Variants in NEDD9 observed in about 807,000 individuals in gnomAD.
The protein encoded by NEDD9 is neural precursor cell expressed, developmentally down-regulated 9.
A neutral mutation model predicts 76.6 loss-of-function variants in NEDD9; 26 were observed. That is an observed-to-expected ratio of 0.34 (90% CI 0.25 to 0.47). NEDD9 has a LOEUF of 0.47. Among genes scored for constraint, NEDD9 ranks in the 20% least tolerant of loss-of-function variants. The probability of loss-of-function intolerance (pLI) is 1.00; values close to 1 mark genes in which losing one functional copy is unlikely to be tolerated. For synonymous variants in NEDD9, 392 were observed against 414.2 expected (o/e 0.95, Z 0.65); for missense variants, 937 against 1,058.5 (o/e 0.89, Z 1.59).
At chr6:11,276,144 A>G (rs2113349882) in intron 3 of NEDD9, among the ~76,000 whole-genome samples, 1 of 152,366 alleles carries the variant, frequency 6.6e-6, no homozygotes, top group African/African-American at 2.4e-5. Context: ...GCAAACAGAA[A>G]CAGAGATAGA....
chr6:11,212,930 A>C (rs1476078016), intron 2 of NEDD9, among the ~76,000 whole-genome samples: 6 of 152,226 alleles, frequency 3.9e-5, no homozygotes, highest in Non-Finnish European at 1.5e-5. Context: ...TGTTCCACTC[A>C]ATGAAGAAAC....
At position 11,190,111 on chromosome 6, in the gene NEDD9, T is replaced by A; in HGVS notation, c.1758A>T (p.Gly586=). Residue 586 remains glycine (G), a synonymous_variant, in exon 5 of 7, where the codon GGA becomes GGT. Transcript: ENST00000379446. The surrounding 1 kb of genome is among the most constrained non-coding windows in gnomAD (Gnocchi z 5.8). ...STEYPHGGSQ[G]QLLHPGDHKA... The stretch of plus-strand genomic sequence containing the variant: ...TGTGGTCACCAGGATGCAGCAGCTG[T>A]CCCTGGGAGCCACCGTGTGGGTACT... The A allele has an allele frequency of 6.2e-7, 1 of 1,612,042 alleles. No individual in the cohort carries two copies. The highest frequency in any genetic ancestry group is 8.5e-7 in the Non-Finnish European group (1 of 1,178,656).
intron 2 of NEDD9, among the ~76,000 whole-genome samples, chr6:11,318,435 C>T (rs558579970): frequency 4.2e-4 from 64 of 152,156 alleles, no homozygotes; most frequent in Non-Finnish European, 8.1e-4. Context: ...TGTGGGGAGA[C>T]GGCGGGTCAC....
At chr6:11,339,769 G>C (rs1015416192) in intron 1 of NEDD9, among the ~76,000 whole-genome samples, 3 of 152,024 alleles carry the variant, frequency 2.0e-5, no homozygotes, top group South Asian at 4.2e-4. Context: ...GACTTGACTG[G>C]GTTCTCTCTA....
At chr6:11,188,521 A>C (rs1303900691) in intron 5 of NEDD9, among the ~76,000 whole-genome samples, 1 of 151,864 alleles carries the variant, frequency 6.6e-6, no homozygotes, top group Non-Finnish European at 1.5e-5. Context: ...GGCACCTTAA[A>C]ATTTTCGGAG....
chr6:11,270,933 G>T (rs573193535), intron 3 of NEDD9, among the ~76,000 whole-genome samples: 1 of 152,218 alleles, frequency 6.6e-6, no homozygotes, highest in South Asian at 2.1e-4. Flanking sequence ...AAGGGAATTG[G>T]GGGTGGGAAA....
At chr6:11,319,542 A>ACACACACACACATGCACACT (rs2113464411) in intron 2 of NEDD9, among the ~76,000 whole-genome samples, 1 of 116,720 alleles carries the variant, frequency 8.6e-6, no homozygotes, top group Non-Finnish European at 1.8e-5. Flanking sequence ...TAACATGCGG[A>ACACACACACACATGCACACT]CACACACTAA....
chr6:11,325,122 G>A (rs1761894579), intron 2 of NEDD9, among the ~76,000 whole-genome samples: 1 of 152,148 alleles, frequency 6.6e-6, no homozygotes, highest in African/African-American at 2.4e-5. Context: ...TTGGGAGGCC[G>A]AGGTGGTGGA....
intron 1 of NEDD9, among the ~76,000 whole-genome samples, chr6:11,360,757 A>G (rs917492982): frequency 6.6e-6 from 1 of 152,180 alleles, no homozygotes; most frequent in Non-Finnish European, 1.5e-5. Flanking sequence ...TTTTCTTTAT[A>G]AATTACCCAG....
chr6:11,204,277 A>G (rs1055621152), intron 2 of NEDD9, among the ~76,000 whole-genome samples: 2 of 152,218 alleles, frequency 1.3e-5, no homozygotes, highest in African/African-American at 2.4e-5. Context: ...GAAATTTACT[A>G]CTTTTATAAT....
intron 3 of NEDD9, among the ~76,000 whole-genome samples, chr6:11,296,679 C>CCTTCCTCCCTTCCTT (rs56700039): frequency 1.1e-5 from 1 of 92,856 alleles, no homozygotes; most frequent in Non-Finnish European, 2.0e-5. Context: ...CCTTTCCTTT[C>CCTTCCTCCCTTCCTT]CCTTCCTTCC....
chr6:11,378,940 C>T (rs1441326057), intron 1 of NEDD9, among the ~76,000 whole-genome samples: 7 of 152,358 alleles, frequency 4.6e-5, no homozygotes, highest in Admixed American at 2.0e-4. Flanking sequence ...TACAATGGAG[C>T]TTGTGTTGTA....
At chr6:11,300,812 C>T (rs144911617) in intron 3 of NEDD9, among the ~76,000 whole-genome samples, 1 of 152,054 alleles carries the variant, frequency 6.6e-6, no homozygotes, top group Non-Finnish European at 1.5e-5. Context: ...CAAGCAAATG[C>T]TGAGAGATTT....
At chr6:11,218,533 CT>C (rs945963058) in intron 1 of NEDD9, among the ~76,000 whole-genome samples, 3 of 152,140 alleles carry the variant, frequency 2.0e-5, no homozygotes, top group African/African-American at 7.2e-5. Flanking sequence ...CTGTTCAAGA[CT>C]GTGAACTCCT....
At chr6:11,339,284 A>G (rs1014198772) in intron 1 of NEDD9, among the ~76,000 whole-genome samples, 1 of 152,226 alleles carries the variant, frequency 6.6e-6, no homozygotes. Flanking sequence ...ATGACTGCAT[A>G]GTATTTCTTT....
chr6:11,225,789 CCG>C (rs930030550), intron 1 of NEDD9, among the ~76,000 whole-genome samples: 3 of 146,406 alleles, frequency 2.0e-5, no homozygotes, highest in African/African-American at 7.5e-5. Flanking sequence ...GTGTGAGCCA[CCG>C]CGCCCGGCCT....
chr6:11,364,568 G>C (rs1438481370), intron 1 of NEDD9, among the ~76,000 whole-genome samples: 1 of 152,120 alleles, frequency 6.6e-6, no homozygotes, highest in African/African-American at 2.4e-5. Flanking sequence ...ACTAGGATTT[G>C]AACCCAGGCA....
chr6:11,234,305 C>T (rs938715878), upstream of NEDD9, among the ~76,000 whole-genome samples: 1 of 152,154 alleles, frequency 6.6e-6, no homozygotes, highest in Admixed American at 6.5e-5. Context: ...TTGGTGTCTA[C>T]CTGGATAAAG....
chr6:11,319,450 A>T lies in NEDD9; in HGVS notation c.-152-13295T>A, dbSNP rs542331621. 3.3e-5 allele frequency among the ~76,000 whole-genome samples: 5 copies of T among 151,686 alleles called. No individual in the cohort carries two copies. In the East Asian group the frequency reaches 9.7e-4, roughly 29 times the overall value. ...CATGCACACTCACACACTAACATGT[A>T]CACACACACTGGTACACACTCACAC... is the stretch of plus-strand genomic sequence containing the variant. On this transcript the variant is annotated intron_variant, in intron 2 of 3. Transcript: ENST00000397378.
Sources: allele counts gnomAD v4.1 joint callset (sites outside exome capture counted in the v4.1 genomes callset), GRCh38; gene constraint gnomAD v4.1.1; non-coding constraint Gnocchi (gnomAD v3.1); transcripts MANE v1.5; gene names NCBI Gene and HGNC (gene_info 2026-07-23, HGNC 2026-07-21).